Variants in ASAP1 observed in about 807,000 individuals in gnomAD.
The protein encoded by ASAP1 is arf-GAP with SH3 domain, ANK repeat and PH domain-containing protein 1.
In ASAP1, 43 loss-of-function variants were observed where a neutral mutation model predicts 145.2. That is an observed-to-expected ratio of 0.30 (90% CI 0.23 to 0.38). The LOEUF (loss-of-function observed/expected upper bound fraction) is 0.38. Ranked by LOEUF, ASAP1 falls within the 10% of genes least tolerant of loss-of-function variation. ASAP1 has a pLI of 1.00. For missense variants in ASAP1, 1,018 were observed against 1,355.3 expected, an observed-to-expected ratio of 0.75 and a Z score of 3.91; for synonymous variants, 546 against 515.5, an observed-to-expected ratio of 1.06 and a Z score of -0.80.
At chr8:130,291,117 A>G (rs1316378817) in intron 3 of ASAP1, among the ~76,000 whole-genome samples, 1 of 152,192 alleles carries the variant, frequency 6.6e-6, no homozygotes, top group East Asian at 1.9e-4. Context: ...AGATTCTTGT[A>G]TATATTCACA....
chr8:130,383,520 A>G (rs1416673022), intron 2 of ASAP1, among the ~76,000 whole-genome samples: 1 of 152,188 alleles, frequency 6.6e-6, no homozygotes, highest in Non-Finnish European at 1.5e-5. Context: ...CACCAGGTAC[A>G]GAGTGCTAAG....
In ASAP1 at chr8:130,164,043, T is replaced by C. The variant is rs190462161; in HGVS notation, c.909+3493A>G. Among the ~76,000 whole-genome samples the C allele has an allele frequency of 9.7e-4, 147 of 152,314 alleles. 2 individuals carry two copies. Among genetic ancestry groups the C allele is most frequent in the African/African-American group, 3.3e-3 (137 of 41,574 alleles). ...CTCTACTACAGAAGCCTAAAATTTC[T>C]AATGCAAGGTATCAATGGAGTGGGC... On this transcript the variant is annotated intron_variant, in intron 11 of 29. Transcript: ENST00000518721.
At chr8:130,224,097 C>T (rs1565107714) in intron 4 of ASAP1, among the ~76,000 whole-genome samples, 1 of 152,144 alleles carries the variant, frequency 6.6e-6, no homozygotes, top group East Asian at 1.9e-4. Context: ...CTTTGTTATA[C>T]GCCCAGTTCC....
intron 1 of ASAP1, among the ~76,000 whole-genome samples, chr8:130,405,779 C>G (rs971835500): frequency 6.6e-6 from 1 of 152,170 alleles, no homozygotes; most frequent in Non-Finnish European, 1.5e-5. Flanking sequence ...CGTACCTCAC[C>G]CACGGCACTT....
chr8:130,060,579 C>T lies in ASAP1; in HGVS notation c.3192G>A (p.Thr1064=), dbSNP rs1379112127. 3.1e-6 allele frequency: 5 copies of T among 1,605,820 alleles called. No individual in the cohort carries two copies. The highest frequency in any genetic ancestry group is 3.4e-6 in the Non-Finnish European group (4 of 1,175,762). Residue 1064 remains threonine (T), a splice_region_variant and synonymous_variant, in exon 28 of 30, where the codon ACG becomes ACA. Coordinates refer to ENST00000518721, the MANE Select transcript of ASAP1 (RefSeq NM_018482.4). ...TPVPLPRKIN[T]GKNKVRRVKT... ...AGGGCCTGAACATTGTCCCACCCAC[C>T]GTATTGATTTTTCTGGGCAGTGGTA...
intron 3 of ASAP1, among the ~76,000 whole-genome samples, chr8:130,275,611 G>A (rs1820833429): frequency 6.6e-6 from 1 of 151,730 alleles, no homozygotes; most frequent in Admixed American, 6.6e-5. Flanking sequence ...AAATTTTACT[G>A]GCAGGATGCA....
Position 130,052,674 on chromosome 8 carries a change from G to T in ASAP1, c.*2057C>A, listed in dbSNP as rs1344193242. 1.4e-5 allele frequency: 2 copies of T among 147,792 alleles called. No homozygotes were observed. The highest frequency in any genetic ancestry group is 3.0e-5 in the Non-Finnish European group (2 of 67,094). The allele number at this position is 147,792 out of a possible 1,614,324, so 9.2% of individuals were successfully genotyped here. On this transcript the variant is annotated 3_prime_UTR_variant, in exon 30 of 30. Coordinates refer to ENST00000518721, the MANE Select transcript of ASAP1 (RefSeq NM_018482.4). ...GTAAGTTGCTGCAAAAGGGGAAAAAGAATAGACACTAACTCCATGTAATTT... is the reference window on the plus strand; with the variant it reads ...GTAAGTTGCTGCAAAAGGGGAAAAATAATAGACACTAACTCCATGTAATTT...
intron 3 of ASAP1, among the ~76,000 whole-genome samples, chr8:130,282,127 AAT>A (rs1396226728): frequency 6.6e-6 from 1 of 151,968 alleles, no homozygotes; most frequent in African/African-American, 2.4e-5. Flanking sequence ...GCACCAACCA[AAT>A]ATATATGTTC....
intron 26 of ASAP1, among the ~76,000 whole-genome samples, chr8:130,078,691 G>A (rs1047951155): frequency 4.7e-4 from 71 of 152,284 alleles, no homozygotes; most frequent in African/African-American, 1.5e-3. Flanking sequence ...AGGGTTGAAG[G>A]AAGGTGAGTG....
At chr8:130,241,047 G>A (rs1020423388) in intron 3 of ASAP1, among the ~76,000 whole-genome samples, 1 of 152,070 alleles carries the variant, frequency 6.6e-6, no homozygotes, top group Non-Finnish European at 1.5e-5. Context: ...CAGGCCGAGT[G>A]GTATCCCTCA....
At chr8:130,309,160 A>G (rs941915209) in intron 3 of ASAP1, among the ~76,000 whole-genome samples, 12 of 152,176 alleles carry the variant, frequency 7.9e-5, no homozygotes, top group Non-Finnish European at 1.6e-4. Context: ...TAATATCTGG[A>G]GTGCCTACTA....
intron 24 of ASAP1, among the ~76,000 whole-genome samples, chr8:130,107,022 A>G (rs2097537910): frequency 1.3e-5 from 2 of 152,166 alleles, no homozygotes; most frequent in African/African-American, 4.8e-5. Flanking sequence ...CAGTCATTTC[A>G]TAGACATTAT....
At chr8:130,351,141 C>A (rs1343750863) in intron 3 of ASAP1, among the ~76,000 whole-genome samples, 1 of 152,134 alleles carries the variant, frequency 6.6e-6, no homozygotes, top group Non-Finnish European at 1.5e-5. Flanking sequence ...CACTAGAAAC[C>A]AAATAGAGGT....
intron 3 of ASAP1, among the ~76,000 whole-genome samples, chr8:130,334,097 G>A (rs1229689068): frequency 6.6e-6 from 1 of 152,170 alleles, no homozygotes; most frequent in Non-Finnish European, 1.5e-5. Context: ...GCAAGGAGAC[G>A]TGAAAATGCA....
In ASAP1 at chr8:130,429,766, C is replaced by A. The variant is rs913509276; in HGVS notation, c.-28+13694G>T. On this transcript the variant is annotated intron_variant, in intron 1 of 29. Coordinates refer to ENST00000518721, the MANE Select transcript of ASAP1 (RefSeq NM_018482.4). ...CAGAAGGAGAACACCCCCACTCCCCCGCAACACACACACGTTCTGTCCATT... is the reference window on the plus strand; with the variant it reads ...CAGAAGGAGAACACCCCCACTCCCCAGCAACACACACACGTTCTGTCCATT... 4.6e-5 allele frequency among the ~76,000 whole-genome samples: 7 copies of A among 152,212 alleles called. No homozygotes were observed. In the South Asian group the frequency reaches 1.4e-3, roughly 31 times the overall value.
chr8:130,073,494 G>A (rs1279078649), intron 27 of ASAP1, among the ~76,000 whole-genome samples: 1 of 152,158 alleles, frequency 6.6e-6, no homozygotes, highest in Non-Finnish European at 1.5e-5. Context: ...CAGAACAGAA[G>A]CAGTCCATGA....
intron 2 of ASAP1, among the ~76,000 whole-genome samples, chr8:130,385,370 G>A (rs1254767906): frequency 6.6e-6 from 1 of 152,166 alleles, no homozygotes; most frequent in Non-Finnish European, 1.5e-5. Flanking sequence ...AATTCCCTCA[G>A]CCCCAGAGTT....
chr8:130,166,020 TTTTGTTTG>T (rs768647842), intron 11 of ASAP1, among the ~76,000 whole-genome samples: 1 of 152,162 alleles, frequency 6.6e-6, no homozygotes, highest in Non-Finnish European at 1.5e-5. Context: ...GCTCTTCATT[TTTTGTTTG>T]TTTGTTTGTT....
At chr8:130,059,933 GC>G (rs1750912806) in intron 28 of ASAP1, among the ~76,000 whole-genome samples, 1 of 151,748 alleles carries the variant, frequency 6.6e-6, no homozygotes, top group African/African-American at 2.4e-5. Context: ...TTAAAAAAAA[GC>G]CAGGCGTAGT....
Sources: gnomAD v4.1 joint callset for allele counts (sites outside exome capture counted in the v4.1 genomes callset) on GRCh38, gnomAD v4.1.1 for gene constraint, MANE v1.5 for transcripts, NCBI Gene and HGNC (gene_info 2026-07-23, HGNC 2026-07-21) for gene names.